SLC24A2: variants seen among roughly 807,000 people sequenced by gnomAD.
SLC24A2 encodes sodium/potassium/calcium exchanger 2.
In SLC24A2, 36 loss-of-function variants were observed where a neutral mutation model predicts 62.0. That is an observed-to-expected ratio of 0.58 (90% CI 0.44 to 0.77). The LOEUF is 0.77. Among genes scored for constraint, SLC24A2 ranks in the 30% least tolerant of loss-of-function variants. The pLI is 0.00. For synonymous variants in SLC24A2, 358 were observed against 294.0 expected (o/e 1.22, Z -2.23); for missense variants, 846 against 817.9 (o/e 1.03, Z -0.42).
chr9:20,053,952 C>A, the SLC24A2 span, among the ~76,000 whole-genome samples: 1 of 152,218 alleles, frequency 6.6e-6, no homozygotes. Flanking sequence ...ACTGCATGTG[C>A]ATGAGCAGCT....
At chr9:20,183,639 C>T in the SLC24A2 span, among the ~76,000 whole-genome samples, 2 of 152,196 alleles carry the variant, frequency 1.3e-5, no homozygotes, top group Non-Finnish European at 2.9e-5. Flanking sequence ...TATGCACTTG[C>T]TCTGGGCCTT....
chr9:20,208,190 G>C, the SLC24A2 span, among the ~76,000 whole-genome samples: 1 of 152,278 alleles, frequency 6.6e-6, no homozygotes, highest in African/African-American at 2.4e-5. Flanking sequence ...GGCACATGTG[G>C]GTGTTAACCA....
chr9:20,054,969 T>C, the SLC24A2 span, among the ~76,000 whole-genome samples: 2 of 152,218 alleles, frequency 1.3e-5, no homozygotes, highest in South Asian at 2.1e-4. Context: ...TTAACTACTT[T>C]GGTGAATTAG....
chr9:19,522,957 G>A (rs1338464942), intron 9 of SLC24A2, among the ~76,000 whole-genome samples: 1 of 152,096 alleles, frequency 6.6e-6, no homozygotes, highest in African/African-American at 2.4e-5. Flanking sequence ...TGTTACTGTC[G>A]GCAAGTTCCA....
At chr9:20,029,384 C>G in the SLC24A2 span, among the ~76,000 whole-genome samples, 2 of 152,146 alleles carry the variant, frequency 1.3e-5, no homozygotes, top group African/African-American at 4.8e-5. Flanking sequence ...TTTTCATGGG[C>G]AAGGTGAATT....
At chr9:19,848,821 T>G in the SLC24A2 span, among the ~76,000 whole-genome samples, 1 of 152,256 alleles carries the variant, frequency 6.6e-6, no homozygotes, top group Non-Finnish European at 1.5e-5. Context: ...CTCATTTTTG[T>G]GTCACCGACT....
At chr9:20,165,023 T>C in the SLC24A2 span, among the ~76,000 whole-genome samples, 2 of 146,946 alleles carry the variant, frequency 1.4e-5, no homozygotes, top group Admixed American at 1.4e-4. Context: ...TTAGGAGATA[T>C]ACCTAATGCT....
the SLC24A2 span, among the ~76,000 whole-genome samples, chr9:20,245,621 G>T: frequency 1.3e-5 from 2 of 152,158 alleles, no homozygotes; most frequent in Admixed American, 6.6e-5. Flanking sequence ...GAACAGCTTG[G>T]TCTTCAGATG....
chr9:20,088,930 G>C, the SLC24A2 span, among the ~76,000 whole-genome samples: 1 of 152,184 alleles, frequency 6.6e-6, no homozygotes, highest in Non-Finnish European at 1.5e-5. Context: ...AAGGTGACTA[G>C]GGACTGGAAT....
At chr9:19,637,509 G>A (rs1587075264) in intron 2 of SLC24A2, among the ~76,000 whole-genome samples, 1 of 152,208 alleles carries the variant, frequency 6.6e-6, no homozygotes, top group African/African-American at 2.4e-5. Flanking sequence ...CAAGGGGGAA[G>A]CAGAAGAACC....
At chr9:20,183,402 C>G in the SLC24A2 span, among the ~76,000 whole-genome samples, 2 of 152,352 alleles carry the variant, frequency 1.3e-5, no homozygotes, top group East Asian at 3.9e-4. Context: ...TACAGAAACA[C>G]AGCCATGTTC....
At chr9:20,189,726 G>T in the SLC24A2 span, among the ~76,000 whole-genome samples, 1 of 152,308 alleles carries the variant, frequency 6.6e-6, no homozygotes, top group Non-Finnish European at 1.5e-5. Flanking sequence ...AGTTTCCTTG[G>T]TGTCCACAGC....
chr9:19,562,840 C>T lies in SLC24A2; in HGVS notation c.1347+10511G>A, dbSNP rs892328357. Among the ~76,000 whole-genome samples, 6 of 152,268 alleles carry T rather than the reference C, an allele frequency of 3.9e-5. No individual in the cohort carries two copies. In the South Asian group the frequency reaches 1.2e-3, roughly 32 times the overall value. On this transcript the variant is annotated intron_variant, in intron 7 of 10. Coordinates refer to ENST00000341998, the MANE Select transcript of SLC24A2 (RefSeq NM_020344.4). ...CAATCTAGGCTGGATTATGGTGGCT[C>T]ACACTTGTAGTCCCAGCACTTTTGG...
At chr9:20,188,927 T>C in the SLC24A2 span, among the ~76,000 whole-genome samples, 1 of 152,176 alleles carries the variant, frequency 6.6e-6, no homozygotes, top group Non-Finnish European at 1.5e-5. Flanking sequence ...TACAGCAGCA[T>C]TGGGAAATTA....
the SLC24A2 span, among the ~76,000 whole-genome samples, chr9:20,161,487 C>T: frequency 1.3e-5 from 2 of 151,292 alleles, no homozygotes; most frequent in Non-Finnish European, 1.5e-5. Context: ...AATAACATAT[C>T]AGCCAACAGA....
chr9:20,192,820 A>G, the SLC24A2 span, among the ~76,000 whole-genome samples: 1 of 152,186 alleles, frequency 6.6e-6, no homozygotes, highest in Non-Finnish European at 1.5e-5. Context: ...ACTGCACTGC[A>G]AAGAGCCTTT....
the SLC24A2 span, among the ~76,000 whole-genome samples, chr9:20,282,489 A>G: frequency 2.0e-5 from 3 of 152,176 alleles, no homozygotes; most frequent in Non-Finnish European, 4.4e-5. Context: ...TTTCTAGTTG[A>G]GGAATCTGAA....
At chr9:20,169,100 A>G in the SLC24A2 span, among the ~76,000 whole-genome samples, 2 of 152,050 alleles carry the variant, frequency 1.3e-5, no homozygotes, top group South Asian at 2.1e-4. Context: ...AGCCAGACAC[A>G]GAAGGACCCA....
At chr9:19,587,308 A>G (rs928615581) in intron 5 of SLC24A2, among the ~76,000 whole-genome samples, 1 of 152,198 alleles carries the variant, frequency 6.6e-6, no homozygotes, top group Non-Finnish European at 1.5e-5. Flanking sequence ...GTAAAGTGGA[A>G]GATTTTATAT....
Sources: gnomAD v4.1 joint callset for allele counts (sites outside exome capture counted in the v4.1 genomes callset) on GRCh38, gnomAD v4.1.1 for gene constraint, MANE v1.5 for transcripts, NCBI Gene and HGNC (gene_info 2026-07-23, HGNC 2026-07-21) for gene names.